Variants in SLC25A21 observed in about 807,000 individuals in gnomAD.
SLC25A21 encodes mitochondrial 2-oxodicarboxylate carrier.
In SLC25A21, 47 loss-of-function variants were observed where a neutral mutation model predicts 43.8. That is an observed-to-expected ratio of 1.07 (90% CI 0.85 to 1.37). The LOEUF is 1.37. Ranked by LOEUF, SLC25A21 falls within the 40% of genes most tolerant of loss-of-function variation. SLC25A21 has a pLI of 0.00. For missense variants in SLC25A21, 352 were observed against 350.2 expected, an observed-to-expected ratio of 1.00 and a Z score of -0.04; for synonymous variants, 131 against 121.3, an observed-to-expected ratio of 1.08 and a Z score of -0.52.
chr14:37,150,187 T>C (rs1025987842), intron 1 of SLC25A21, among the ~76,000 whole-genome samples: 3 of 152,132 alleles, frequency 2.0e-5, no homozygotes, highest in Non-Finnish European at 4.4e-5. Context: ...TTAGAGATGT[T>C]TATAATTTAT....
intron 1 of SLC25A21, among the ~76,000 whole-genome samples, chr14:37,130,569 T>C (rs1404361487): frequency 6.6e-6 from 1 of 152,228 alleles, no homozygotes; most frequent in Non-Finnish European, 1.5e-5. Flanking sequence ...TGCATTACTG[T>C]GGCTACAACT....
chr14:37,098,796 G>A (rs1962758429), intron 1 of SLC25A21, among the ~76,000 whole-genome samples: 1 of 106,676 alleles, frequency 9.4e-6, no homozygotes. Flanking sequence ...CAGATAGATA[G>A]ATAGATAGAT....
At chr14:36,746,533 C>A (rs921063521) in intron 3 of SLC25A21, among the ~76,000 whole-genome samples, 5 of 152,160 alleles carry the variant, frequency 3.3e-5, no homozygotes, top group East Asian at 1.9e-4. Flanking sequence ...GTACTAAAAG[C>A]CTGGACTTTA....
chr14:36,857,240 T>G (rs747356277), intron 2 of SLC25A21, among the ~76,000 whole-genome samples: 33 of 152,206 alleles, frequency 2.2e-4, no homozygotes, highest in Non-Finnish European at 4.4e-4. Context: ...AAGACCCCTC[T>G]GGAGGGCAGG....
At chr14:36,780,689 A>G (rs986809001) in intron 3 of SLC25A21, among the ~76,000 whole-genome samples, 2 of 152,118 alleles carry the variant, frequency 1.3e-5, no homozygotes, top group African/African-American at 4.8e-5. Context: ...TGGAAAAGAT[A>G]TGTGACATTA....
intron 2 of SLC25A21, among the ~76,000 whole-genome samples, chr14:36,842,518 C>G (rs698295): frequency 3.3e-5 from 5 of 151,964 alleles, no homozygotes; most frequent in Non-Finnish European, 7.4e-5. Context: ...AGCCATAAGA[C>G]GGAAGGAGCT....
chr14:37,037,468 T>C (rs1209030526), intron 1 of SLC25A21, among the ~76,000 whole-genome samples: 1 of 152,196 alleles, frequency 6.6e-6, no homozygotes, highest in Non-Finnish European at 1.5e-5. Context: ...TCACCAGGGT[T>C]GCTTTCATAT....
chr14:36,860,924 A>G (rs979217748), intron 2 of SLC25A21, among the ~76,000 whole-genome samples: 1 of 152,212 alleles, frequency 6.6e-6, no homozygotes, highest in Non-Finnish European at 1.5e-5. Context: ...ATAATAGGGA[A>G]GTATGTAACC....
intron 1 of SLC25A21, among the ~76,000 whole-genome samples, chr14:37,155,480 C>T (rs2138940792): frequency 6.6e-6 from 1 of 152,268 alleles, no homozygotes; most frequent in East Asian, 1.9e-4. Flanking sequence ...GTTTTCACAG[C>T]ACATTATAAT....
At chr14:37,169,734 T>C (rs774526332) in intron 1 of SLC25A21, among the ~76,000 whole-genome samples, 1 of 152,086 alleles carries the variant, frequency 6.6e-6, no homozygotes, top group Non-Finnish European at 1.5e-5. Context: ...TGACCAAGTA[T>C]ATATAATATG....
chr14:37,065,216 A>T (rs1411054563), intron 1 of SLC25A21, among the ~76,000 whole-genome samples: 3 of 152,192 alleles, frequency 2.0e-5, no homozygotes, highest in African/African-American at 7.2e-5. Context: ...GGTACAGAAG[A>T]ACCCTGAATG....
At chr14:36,946,061 C>G (rs1892673171) in intron 1 of SLC25A21, among the ~76,000 whole-genome samples, 1 of 152,104 alleles carries the variant, frequency 6.6e-6, no homozygotes, top group Admixed American at 6.6e-5. Flanking sequence ...AAAAAAGGAT[C>G]AGATAAATTA....
chr14:36,971,590 T>C (rs1197857550), intron 1 of SLC25A21, among the ~76,000 whole-genome samples: 3 of 151,994 alleles, frequency 2.0e-5, no homozygotes, highest in Admixed American at 6.6e-5. Flanking sequence ...TCTGCTATGG[T>C]CCGCTGCTCC....
At chr14:36,954,800 C>T (rs1959290116) in intron 1 of SLC25A21, among the ~76,000 whole-genome samples, 1 of 152,004 alleles carries the variant, frequency 6.6e-6, no homozygotes, top group Non-Finnish European at 1.5e-5. Context: ...CTCTACCTTT[C>T]TTCATTTTCT....
intron 1 of SLC25A21, among the ~76,000 whole-genome samples, chr14:37,110,964 AT>A (rs1744428452): frequency 1.3e-5 from 2 of 151,762 alleles, no homozygotes; most frequent in South Asian, 4.1e-4. Flanking sequence ...CAAAAAAAAA[AT>A]CACAGATATC....
intron 6 of SLC25A21, 90 bp downstream of exon 6, chr14:36,725,476 AAAAT>A (rs10607138): frequency 0.24 from 86,314 of 357,798 alleles, 13,966 homozygotes; most frequent in African/African-American, 0.37. Flanking sequence ...ACTCTGTCCC[AAAAT>A]AAATAAATAA....
At chr14:36,733,101 T>C (rs942594902) in intron 4 of SLC25A21, among the ~76,000 whole-genome samples, 2 of 152,166 alleles carry the variant, frequency 1.3e-5, no homozygotes, top group Non-Finnish European at 2.9e-5. Flanking sequence ...GTTTAAATTG[T>C]CTCCAACACA....
At chr14:36,969,998 C>G (rs1247539050) in intron 1 of SLC25A21, among the ~76,000 whole-genome samples, 2 of 152,062 alleles carry the variant, frequency 1.3e-5, no homozygotes, top group African/African-American at 2.4e-5. Flanking sequence ...TAAACAAAGA[C>G]CCAGATAAAT....
At chr14:36,760,888 GA>G in intron 3 of SLC25A21, among the ~76,000 whole-genome samples, 1 of 151,356 alleles carries the variant, frequency 6.6e-6, no homozygotes, top group East Asian at 1.9e-4. Flanking sequence ...AGAGAAAGGG[GA>G]AAAAAAGGAG....
Sources: gnomAD v4.1 joint callset for allele counts (sites outside exome capture counted in the v4.1 genomes callset) on GRCh38, gnomAD v4.1.1 for gene constraint, MANE v1.5 for transcripts, NCBI Gene and HGNC (gene_info 2026-07-23, HGNC 2026-07-21) for gene names.